Variants in NTRK2 observed in about 807,000 individuals in gnomAD.
NTRK2 encodes the protein BDNF/NT-3 growth factors receptor.
Under a neutral mutation model 94.5 loss-of-function variants are expected in NTRK2, and 13 were observed. The observed-to-expected ratio is 0.14, with a 90% CI of 0.09 to 0.22. The LOEUF (loss-of-function observed/expected upper bound fraction) is 0.22, where lower values mean the gene tolerates loss of function less well. Among genes scored for constraint, NTRK2 ranks in the 10% least tolerant of loss-of-function variants. The pLI, the probability that NTRK2 is intolerant of heterozygous loss-of-function variation, is 1.00. For missense variants in NTRK2, 639 were observed against 1,071.2 expected, an observed-to-expected ratio of 0.60 and a Z score of 5.63; for synonymous variants, 372 against 407.4, an observed-to-expected ratio of 0.91 and a Z score of 1.05.
chr9:84,766,262 A>T (rs7039547), intron 12 of NTRK2, among the ~76,000 whole-genome samples: 76 of 152,208 alleles, frequency 5.0e-4, no homozygotes, highest in African/African-American at 1.8e-3. Context: ...ATCTAGACAG[A>T]GGAAGAGTGG....
In NTRK2 at chr9:84,670,687, G is replaced by A. The variant is rs1396804280; in HGVS notation, c.-62G>A. 1 of 1,554,028 alleles carries A rather than the reference G, an allele frequency of 6.4e-7. No homozygotes were observed. The highest frequency in any genetic ancestry group is 8.8e-7 in the Non-Finnish European group (1 of 1,133,894). ...GCGCAGGGAAGGCCTCCCCGCACGG[G>A]TGGGGGAAAGCGGCCGGTGCAGCGC... On this transcript the variant is annotated 5_prime_UTR_variant, in exon 2 of 19. In the 5' UTR this introduces an upstream ATG that the reference lacks. Coordinates refer to ENST00000277120, the MANE Select transcript of NTRK2 (RefSeq NM_006180.6).
intron 14 of NTRK2, among the ~76,000 whole-genome samples, chr9:84,917,726 T>C (rs1342235127): frequency 6.6e-6 from 1 of 152,144 alleles, no homozygotes; most frequent in Non-Finnish European, 1.5e-5. Flanking sequence ...TCACATATAA[T>C]GACAATAAAA....
intron 12 of NTRK2, among the ~76,000 whole-genome samples, chr9:84,846,252 A>G (rs184491069): frequency 2.0e-5 from 3 of 152,312 alleles, no homozygotes; most frequent in Admixed American, 6.5e-5. Context: ...TTGAAAGTAC[A>G]TATTTTCGTA....
chr9:84,700,202 T>C (rs1025743), intron 2 of NTRK2, among the ~76,000 whole-genome samples: 76,646 of 152,046 alleles, frequency 0.5, 19,726 homozygotes, highest in East Asian at 0.59. Context: ...AGAAAAAGTA[T>C]TAAAATTCAG....
chr9:84,976,230 G>A (rs962949919), intron 17 of NTRK2, among the ~76,000 whole-genome samples: 2 of 152,198 alleles, frequency 1.3e-5, no homozygotes, highest in Non-Finnish European at 2.9e-5. Flanking sequence ...GCATGGTTGG[G>A]TTCTGGTGAG....
intron 12 of NTRK2, among the ~76,000 whole-genome samples, chr9:84,793,924 A>G (rs1402037350): frequency 6.6e-6 from 1 of 152,238 alleles, no homozygotes; most frequent in Non-Finnish European, 1.5e-5. Context: ...TATGGAGCAC[A>G]TATCGAAGGC....
chr9:84,777,437 C>T (rs1206620108), intron 12 of NTRK2, among the ~76,000 whole-genome samples: 2 of 152,142 alleles, frequency 1.3e-5, no homozygotes, highest in South Asian at 2.1e-4. Context: ...AGTTAATTTC[C>T]CTTTGCTCTG....
chr9:84,856,732 C>T (rs1396304931), intron 12 of NTRK2, among the ~76,000 whole-genome samples: 1 of 152,112 alleles, frequency 6.6e-6, no homozygotes, highest in African/African-American at 2.4e-5. Context: ...TATTCCATGA[C>T]AATGGTAAAG....
chr9:84,996,236 T>G (rs1433993742), intron 17 of NTRK2, among the ~76,000 whole-genome samples: 1 of 152,238 alleles, frequency 6.6e-6, no homozygotes, highest in African/African-American at 2.4e-5. Context: ...TTAATGTGTG[T>G]GATTAAGCAC....
At chr9:84,705,112 A>G (rs1179220959) in intron 4 of NTRK2, among the ~76,000 whole-genome samples, 1 of 152,034 alleles carries the variant, frequency 6.6e-6, no homozygotes, top group East Asian at 1.9e-4. Context: ...TTCCCCAGCA[A>G]TATAAAAATG....
At chr9:84,877,088 A>T in intron 14 of NTRK2, 1 of 1,064,400 alleles carries the variant, frequency 9.4e-7, no homozygotes, top group Non-Finnish European at 1.1e-6. Context: ...ATCATCACTC[A>T]TGTCCTGAAT....
chr9:85,003,830 A>G (rs1342415489), intron 17 of NTRK2, among the ~76,000 whole-genome samples: 1 of 151,080 alleles, frequency 6.6e-6, no homozygotes, highest in African/African-American at 2.4e-5. Flanking sequence ...ATGGGGTGCA[A>G]TCAGAATATG....
chr9:84,866,207 A>G (rs1185433154), intron 13 of NTRK2, among the ~76,000 whole-genome samples: 1 of 152,234 alleles, frequency 6.6e-6, no homozygotes, highest in Non-Finnish European at 1.5e-5. Context: ...CTCACAGAAT[A>G]TGAAGAAAGA....
intron 12 of NTRK2, among the ~76,000 whole-genome samples, chr9:84,825,960 C>G (rs1564357426): frequency 6.6e-6 from 1 of 152,176 alleles, no homozygotes; most frequent in Non-Finnish European, 1.5e-5. Context: ...TATGTGGGAC[C>G]TCATAGCTGA....
At chr9:84,787,117 G>A (rs925879447) in intron 12 of NTRK2, among the ~76,000 whole-genome samples, 7 of 152,028 alleles carry the variant, frequency 4.6e-5, no homozygotes, top group African/African-American at 1.5e-4. Flanking sequence ...GACCAACATG[G>A]TGAAACCCCG....
At chr9:84,880,390 A>T (rs995323282) in intron 14 of NTRK2, among the ~76,000 whole-genome samples, 1 of 152,218 alleles carries the variant, frequency 6.6e-6, no homozygotes, top group African/African-American at 2.4e-5. Context: ...TCTTTTCAGC[A>T]TCCTATGGGG....
intron 12 of NTRK2, among the ~76,000 whole-genome samples, chr9:84,836,721 A>G (rs1013360608): frequency 1.3e-5 from 2 of 149,032 alleles, no homozygotes; most frequent in Non-Finnish European, 3.0e-5. Context: ...GATTATCACT[A>G]CCACCTCCGC....
At chr9:84,872,499 G>A (rs201629240) in intron 14 of NTRK2, 1 of 1,067,886 alleles carries the variant, frequency 9.4e-7, no homozygotes. Context: ...ACTTAAAATT[G>A]TCTCTAAATA....
intron 14 of NTRK2, among the ~76,000 whole-genome samples, chr9:84,883,584 C>A (rs180842991): frequency 9.2e-4 from 140 of 152,290 alleles, no homozygotes; most frequent in African/African-American, 3.3e-3. Flanking sequence ...TTGATCCATT[C>A]ATGAGTTTAG....
Sources: gnomAD v4.1 joint callset for allele counts (sites outside exome capture counted in the v4.1 genomes callset) on GRCh38, gnomAD v4.1.1 for gene constraint, MANE v1.5 for transcripts, NCBI Gene and HGNC (gene_info 2026-07-23, HGNC 2026-07-21) for gene names.